FAAH2: variants seen among roughly 807,000 people sequenced by gnomAD.
FAAH2 encodes the protein fatty acid amide hydrolase 2.
In FAAH2, 60 loss-of-function variants were observed where a neutral mutation model predicts 36.9. That is an observed-to-expected ratio of 1.63 (90% CI 1.32 to 2.02). FAAH2 has a LOEUF of 2.02. FAAH2 is among the 30% of genes most tolerant of loss of function. FAAH2 has a pLI of 0.00. For missense variants in FAAH2, 689 were observed against 397.5 expected, an observed-to-expected ratio of 1.73 and a Z score of -6.23; for synonymous variants, 214 against 143.8, an observed-to-expected ratio of 1.49 and a Z score of -3.49.
chrX:57,272,474 A>T, the FAAH2 span, among the ~76,000 whole-genome samples: 229 of 111,967 alleles, frequency 2.0e-3, no homozygotes, highest in Admixed American at 6.7e-3. Context: ...CAAGGTTGAA[A>T]TGAAGGGAAA....
the FAAH2 span, among the ~76,000 whole-genome samples, chrX:57,140,417 CAAAAAAAA>C: frequency 3.1e-5 from 2 of 64,799 alleles, no homozygotes; most frequent in African/African-American, 6.6e-5. Flanking sequence ...CCATCTCTAC[CAAAAAAAA>C]AAAAAAAAAA....
the FAAH2 span, among the ~76,000 whole-genome samples, chrX:57,219,413 G>A: frequency 8.9e-6 from 1 of 111,803 alleles, no homozygotes; most frequent in Non-Finnish European, 1.9e-5. Context: ...ACAGCAGCTG[G>A]ACAAAGGAAG....
the FAAH2 span, among the ~76,000 whole-genome samples, chrX:57,201,431 TA>T: frequency 7.0e-4 from 70 of 100,001 alleles, no homozygotes; most frequent in Middle Eastern, 5.1e-3. Context: ...TTTTACTCCA[TA>T]AAAAAAAAAA....
At chrX:57,419,051 C>G (rs1190655954) in intron 7 of FAAH2, among the ~76,000 whole-genome samples, 4 of 106,508 alleles carry the variant, frequency 3.8e-5, no homozygotes, top group Non-Finnish European at 7.8e-5. Flanking sequence ...ATGAACTCAT[C>G]ATTTTTTATG....
At chrX:57,392,532 T>C (rs2055190958) in intron 7 of FAAH2, 2 of 766,095 alleles carry the variant, frequency 2.6e-6, no homozygotes, top group Non-Finnish European at 3.9e-6. Flanking sequence ...TTTCAGATCT[T>C]CTGGGCAGGG....
At chrX:57,217,418 T>G in the FAAH2 span, among the ~76,000 whole-genome samples, 1 of 112,042 alleles carries the variant, frequency 8.9e-6, no homozygotes, top group Non-Finnish European at 1.9e-5. Context: ...GTTTTAGGTC[T>G]TAGGTTTAAG....
At chrX:57,310,937 C>G (rs746271608) in intron 3 of FAAH2, among the ~76,000 whole-genome samples, 2 of 111,771 alleles carry the variant, frequency 1.8e-5, no homozygotes, top group South Asian at 7.5e-4. Flanking sequence ...CATATGGGGG[C>G]ACTATGCTCA....
chrX:57,314,108 G>A (rs183422824), intron 3 of FAAH2, among the ~76,000 whole-genome samples: 1 of 111,449 alleles, frequency 9.0e-6, no homozygotes, highest in Non-Finnish European at 1.9e-5. Flanking sequence ...AGATAAAACA[G>A]ATCTTAAACC....
intron 7 of FAAH2, among the ~76,000 whole-genome samples, chrX:57,421,411 A>T (rs1236967497): frequency 8.9e-6 from 1 of 111,965 alleles, no homozygotes; most frequent in Non-Finnish European, 1.9e-5. Context: ...ATAACATAAT[A>T]CCATAGACTG....
the FAAH2 span, chrX:57,126,894 A>G: frequency 5.4e-5 from 6 of 111,501 alleles, no homozygotes; most frequent in African/African-American, 2.0e-4. Flanking sequence ...GGATGATGCT[A>G]TATCTTTATA....
chrX:57,233,083 C>G, the FAAH2 span, among the ~76,000 whole-genome samples: 1 of 112,080 alleles, frequency 8.9e-6, no homozygotes, highest in Non-Finnish European at 1.9e-5. Context: ...ATAGGAATGC[C>G]TACAACCAGG....
At chrX:57,340,648 G>A (rs1338240995) in intron 4 of FAAH2, among the ~76,000 whole-genome samples, 1 of 111,774 alleles carries the variant, frequency 8.9e-6, no homozygotes, top group Non-Finnish European at 1.9e-5. Context: ...GCAGGGACAT[G>A]GATGGAGCTG....
chrX:57,312,051 G>T (rs1314665833), intron 3 of FAAH2, among the ~76,000 whole-genome samples: 1 of 112,110 alleles, frequency 8.9e-6, no homozygotes, highest in African/African-American at 3.2e-5. Flanking sequence ...GCATATCTCT[G>T]CTGCAGCCCC....
At chrX:57,343,996 G>A (rs979369391) in intron 5 of FAAH2, among the ~76,000 whole-genome samples, 1 of 110,714 alleles carries the variant, frequency 9.0e-6, no homozygotes, top group African/African-American at 3.3e-5. Flanking sequence ...AGCTTCATGT[G>A]GTTTTGGTTA....
chrX:57,254,561 C>T, the FAAH2 span, among the ~76,000 whole-genome samples: 2 of 111,727 alleles, frequency 1.8e-5, no homozygotes, highest in Non-Finnish European at 3.8e-5. Context: ...GAACAGAAAT[C>T]ACAACAAACT....
intron 8 of FAAH2, 27 bp from the exon 9 acceptor site, chrX:57,446,901 T>C (rs755143727): frequency 8.9e-7 from 1 of 1,120,655 alleles, no homozygotes; most frequent in Admixed American, 2.3e-5. Flanking sequence ...AATACTCTTG[T>C]ATTTTATTTC....
intron 10 of FAAH2, among the ~76,000 whole-genome samples, chrX:57,468,222 C>T (rs756958693): frequency 4.5e-5 from 5 of 111,954 alleles, no homozygotes; most frequent in Non-Finnish European, 7.5e-5. Context: ...AGCTCCTCAA[C>T]AGCAATGGAA....
In FAAH2 at chrX:57,378,669, G is replaced by A. The variant is rs139284839; in HGVS notation, c.761G>A (p.Gly254Asp). 46 of 1,209,405 alleles carry A rather than the reference G, an allele frequency of 3.8e-5. No individual in the cohort carries two copies. In the Admixed American group the frequency reaches 9.9e-4, roughly 26 times the overall value. ...CTTTCAGGTGTGGTTCCCAACAAAG[G>A]TCAGTTTCCCTTGGCTGTGGGAGCC... ...KPSPGVVPNK[G>D]QFPLAVGAQE... Residue 254 changes from glycine (G) to aspartate (D), a missense_variant, in exon 6 of 11, where the codon GGT becomes GAT. Physicochemically the swap from Gly to Asp is moderately conservative, Grantham distance 94. Transcript: ENST00000374900.
chrX:57,226,344 G>A, the FAAH2 span, among the ~76,000 whole-genome samples: 1 of 112,047 alleles, frequency 8.9e-6, no homozygotes, highest in African/African-American at 3.2e-5. Context: ...TGGTGGCTTT[G>A]TAATGGTGAA....
Sources: allele counts gnomAD v4.1 joint callset (sites outside exome capture counted in the v4.1 genomes callset), GRCh38; gene constraint gnomAD v4.1.1; transcripts MANE v1.5; gene names NCBI Gene and HGNC (gene_info 2026-07-23, HGNC 2026-07-21).